ATXN3: variants seen among roughly 807,000 people sequenced by gnomAD.
The protein encoded by ATXN3 is ataxin-3.
Under a neutral mutation model 58.2 loss-of-function variants are expected in ATXN3, and 28 were observed. The ratio of observed to expected loss-of-function variants is 0.48; its 90% CI spans 0.36 to 0.66. The LOEUF (loss-of-function observed/expected upper bound fraction) is 0.66, where lower values mean the gene tolerates loss of function less well. Ranked by LOEUF, ATXN3 falls within the 30% of genes least tolerant of loss-of-function variation. The pLI, the probability that ATXN3 is intolerant of heterozygous loss-of-function variation, is 0.00. For missense variants in ATXN3, 321 were observed against 422.1 expected (o/e 0.76, Z 2.10); for synonymous variants, 113 against 138.5 (o/e 0.82, Z 1.29).
At chr14:92,085,183 A>AT (rs1418465087) in intron 6 of ATXN3, among the ~76,000 whole-genome samples, 26 of 148,830 alleles carry the variant, frequency 1.7e-4, no homozygotes, top group Middle Eastern at 3.5e-3. Context: ...AAGACTTCAC[A>AT]TATTTTTTTT....
intron 9 of ATXN3, among the ~76,000 whole-genome samples, chr14:92,077,832 A>T (rs1432778921): frequency 1.3e-5 from 2 of 151,672 alleles, no homozygotes. Flanking sequence ...TTTTTAGTAG[A>T]GACAGGCTTT....
At chr14:92,085,800 T>C (rs1282176802) in intron 6 of ATXN3, among the ~76,000 whole-genome samples, 2 of 152,162 alleles carry the variant, frequency 1.3e-5, no homozygotes, top group Non-Finnish European at 2.9e-5. Flanking sequence ...AGACTAAAGA[T>C]AAAAGTTTGG....
intron 5 of ATXN3, among the ~76,000 whole-genome samples, chr14:92,090,080 A>C (rs763393319): frequency 1.6e-4 from 25 of 152,184 alleles, no homozygotes; most frequent in Non-Finnish European, 3.2e-4. Flanking sequence ...ATAATTTAAA[A>C]ATGTTTTTAA....
At chr14:92,077,883 GTGA>G in intron 9 of ATXN3, among the ~76,000 whole-genome samples, 1 of 150,644 alleles carries the variant, frequency 6.6e-6, no homozygotes, top group South Asian at 2.1e-4. Context: ...ATGGCCTCAA[GTGA>G]TCTGCCTGCC....
intron 6 of ATXN3, among the ~76,000 whole-genome samples, chr14:92,087,377 G>T (rs1743175681): frequency 6.6e-6 from 1 of 152,182 alleles, no homozygotes. Context: ...CTTGAGCCCA[G>T]GAGTTTGGAG....
intron 1 of ATXN3, among the ~76,000 whole-genome samples, chr14:92,049,342 C>G (rs1043660178): frequency 6.6e-6 from 1 of 152,206 alleles, no homozygotes; most frequent in Admixed American, 6.5e-5. Context: ...ATGACCAAGA[C>G]AGGCACCCCC....
chr14:92,090,946 CT>C (rs34338098), intron 5 of ATXN3, among the ~76,000 whole-genome samples: 28,159 of 115,044 alleles, frequency 0.24, 1,761 homozygotes, highest in East Asian at 0.37. Context: ...TGTAAGCTGC[CT>C]TTTTTTTTTT....
chr14:92,060,965 CT>C lies in ATXN3; in HGVS notation c.*3354del, dbSNP rs1261480827. Reference sequence around the variant, plus strand: ...GCCAAGCTGGTCTCGAACTCCCGACCTCGTGATCCACCCACTTCGGCCTCCC... The same window carrying C: ...GCCAAGCTGGTCTCGAACTCCCGACCCGTGATCCACCCACTTCGGCCTCCC... On this transcript the variant is annotated 3_prime_UTR_variant, in exon 11 of 11. Coordinates refer to ENST00000644486, the MANE Select transcript of ATXN3 (RefSeq NM_004993.6). 1 of 151,728 alleles carries C rather than the reference CT, an allele frequency of 6.6e-6. No individual in the cohort carries two copies. The highest frequency in any genetic ancestry group is 1.5e-5 in the Non-Finnish European group (1 of 67,914). The allele number at this position is 151,728 out of a possible 1,614,324, so 9.4% of individuals were successfully genotyped here. A position where few individuals can be genotyped will look rare whatever the true frequency, so the allele number is the denominator to read the frequency against.
chr14:92,051,475 A>G (rs1056847557), upstream of ATXN3, among the ~76,000 whole-genome samples: 2 of 151,988 alleles, frequency 1.3e-5, no homozygotes, highest in African/African-American at 2.4e-5. Context: ...ATTATTCTCT[A>G]TGCCTTGTTT....
intron 6 of ATXN3, among the ~76,000 whole-genome samples, chr14:92,087,759 G>A (rs564386402): frequency 4.3e-4 from 66 of 152,076 alleles, no homozygotes; most frequent in African/African-American, 1.5e-3. Flanking sequence ...AAGAATGGCT[G>A]GAATAAAAAA....
chr14:92,067,086 C>T (rs1447207394), intron 10 of ATXN3, among the ~76,000 whole-genome samples: 1 of 151,512 alleles, frequency 6.6e-6, no homozygotes, highest in East Asian at 2.0e-4. Context: ...TTTTGTCTTT[C>T]AGCACTAGAA....
intron 10 of ATXN3, among the ~76,000 whole-genome samples, chr14:92,064,851 A>C (rs2058092750): frequency 6.6e-6 from 1 of 152,162 alleles, no homozygotes; most frequent in Non-Finnish European, 1.5e-5. Context: ...ATTTTGAAAA[A>C]CTGTCAATTC....
intron 2 of ATXN3, among the ~76,000 whole-genome samples, chr14:92,047,370 G>C (rs1427564845): frequency 2.0e-5 from 3 of 152,232 alleles, no homozygotes; most frequent in African/African-American, 7.2e-5. Context: ...ATTGTAAGAA[G>C]AGTTTATAGG....
rs869147623 is a variant in ATXN3 at position 92,086,253 on chromosome 14, C to CAAAAAAAAAAAAAA, written c.475+2463_475+2476dup. Among the ~76,000 whole-genome samples the CAAAAAAAAAAAAAA allele has an allele frequency of 2.2e-4, 21 of 94,924 alleles. 1 individual carries two copies. In the East Asian group the frequency reaches 2.9e-3, roughly 13 times the overall value. The allele number at this position is 94,924 out of a possible 152,430, so 62.3% of individuals were successfully genotyped here. A position where few individuals can be genotyped will look rare whatever the true frequency, so the allele number is the denominator to read the frequency against. ...TGAAACCCTGTCTCTACTAAAAATA[C>CAAAAAAAAAAAAAA]AAAAAAAAAAAAAAAAAATTTAGCC... On this transcript the variant is annotated intron_variant, in intron 6 of 10. Transcript: ENST00000644486.
rs2057547687 is a variant in ATXN3 at position 92,058,871 on chromosome 14, T to A, written c.*5449A>T. ...AATATTTATACAGAACAGTAATTTTTAAAAAGTTATTCCTAATAGCCCAGT... is the reference window on the plus strand; with the variant it reads ...AATATTTATACAGAACAGTAATTTTAAAAAAGTTATTCCTAATAGCCCAGT... On this transcript the variant is annotated 3_prime_UTR_variant, in exon 11 of 11. Transcript: ENST00000644486. 1.3e-5 allele frequency: 2 copies of A among 151,822 alleles called. No homozygotes were observed. 9.4% of individuals were successfully genotyped at this position (151,822 alleles called of 1,614,324 possible). A position where few individuals can be genotyped will look rare whatever the true frequency, so the allele number is the denominator to read the frequency against.
chr14:92,049,446 G>A (rs549364372), intron 1 of ATXN3, among the ~76,000 whole-genome samples: 5 of 152,326 alleles, frequency 3.3e-5, no homozygotes, highest in Admixed American at 6.5e-5. Flanking sequence ...TCTTGAGTCC[G>A]TGACCAGCGC....
intron 10 of ATXN3, among the ~76,000 whole-genome samples, chr14:92,069,096 GAGA>G (rs1278853321): frequency 7.2e-5 from 6 of 83,476 alleles, no homozygotes; most frequent in Non-Finnish European, 1.2e-4. Flanking sequence ...TTTTTTTTTT[GAGA>G]AGGAGTTTTG....
intron 10 of ATXN3, among the ~76,000 whole-genome samples, chr14:92,069,145 C>T (rs1466728051): frequency 1.4e-5 from 2 of 147,364 alleles, no homozygotes; most frequent in Admixed American, 6.8e-5. Context: ...ATGGCACAAT[C>T]TTGGCTCACT....
chr14:92,105,342 G>C (rs776222614), intron 1 of ATXN3, among the ~76,000 whole-genome samples: 5 of 152,082 alleles, frequency 3.3e-5, no homozygotes, highest in African/African-American at 4.8e-5. Flanking sequence ...CTTGTGCCTA[G>C]GAGATCAAGG....
Sources: gnomAD v4.1 joint callset for allele counts (sites outside exome capture counted in the v4.1 genomes callset) on GRCh38, gnomAD v4.1.1 for gene constraint, MANE v1.5 for transcripts, NCBI Gene and HGNC (gene_info 2026-07-23, HGNC 2026-07-21) for gene names.